DOLPP1: variants seen among roughly 807,000 people sequenced by gnomAD.
DOLPP1 encodes the protein dolichyl pyrophosphate phosphatase 1.
Under a neutral mutation model 34.1 loss-of-function variants are expected in DOLPP1, and 15 were observed. The ratio of observed to expected loss-of-function variants is 0.44; its 90% CI spans 0.29 to 0.68. DOLPP1 has a LOEUF of 0.68. Ranked by LOEUF, DOLPP1 falls within the 30% of genes least tolerant of loss-of-function variation. The probability of loss-of-function intolerance (pLI) is 0.12; values close to 1 mark genes in which losing one functional copy is unlikely to be tolerated. For synonymous variants in DOLPP1, 130 were observed against 128.2 expected (o/e 1.01, Z -0.10); for missense variants, 249 against 307.1 (o/e 0.81, Z 1.41).
Position 129,089,026 on chromosome 9 carries a change from T to A in DOLPP1, c.*19T>A. The A allele has an allele frequency of 1.9e-6, 3 of 1,613,362 alleles. No homozygotes were observed. The highest frequency in any genetic ancestry group is 2.5e-6 in the Non-Finnish European group (3 of 1,179,710). On this transcript the variant is annotated 3_prime_UTR_variant, in exon 8 of 8. Coordinates refer to ENST00000372546, the MANE Select transcript of DOLPP1 (RefSeq NM_020438.5). This position sits in a 1 kb window ranked among gnomAD's most constrained non-coding sequence, Gnocchi z 4.9. ...GCAGTGACCAGTGGGTGTGGCTGGG[T>A]CCAGCCTCCAGATCTGGCCCGCACG...
chr9:129,081,357 G>C lies in DOLPP1; in HGVS notation c.76+150G>C, dbSNP rs939966905. 2.0e-5 allele frequency: 20 copies of C among 1,018,634 alleles called. No homozygotes were observed. In the East Asian group the frequency reaches 4.6e-4, roughly 24 times the overall value. 63.1% of individuals were successfully genotyped at this position (1,018,634 alleles called of 1,614,324 possible). On this transcript the variant is annotated intron_variant, in intron 1 of 7. Coordinates refer to ENST00000372546, the MANE Select transcript of DOLPP1 (RefSeq NM_020438.5). ...AACCACGGAGGGGCTCGGCCGGCGC[G>C]CGCGCCGCGCAGGCGCAGTGGTGCG...
At chr9:129,086,113 A>T (rs766954810) in intron 5 of DOLPP1, 26 bp from the exon 6 acceptor site, 1 of 1,610,686 alleles carries the variant, frequency 6.2e-7, no homozygotes, top group Non-Finnish European at 8.5e-7. Context: ...TGGCTCTCAC[A>T]TACTTCGCTT....
chr9:129,084,135 C>T (rs547068335), intron 1 of DOLPP1, among the ~76,000 whole-genome samples: 1 of 152,324 alleles, frequency 6.6e-6, no homozygotes, highest in African/African-American at 2.4e-5. Flanking sequence ...GTGTGGTGTC[C>T]AGAGAACGTC....
chr9:129,084,756 G>A lies in DOLPP1; in HGVS notation c.165G>A (p.Arg55=). The change falls in exon 2 of 8, where the codon CGG becomes CGA. Residue 55 remains arginine (R), a synonymous_variant. Coordinates refer to ENST00000372546, the MANE Select transcript of DOLPP1 (RefSeq NM_020438.5). ...TCGTGACCCTCATCATATTTAAGCGGGAGCTGCACACGGTGAGTCTGTCTT... is the reference window on the plus strand; with the variant it reads ...TCGTGACCCTCATCATATTTAAGCGAGAGCTGCACACGGTGAGTCTGTCTT... ...VGFVTLIIFK[R]ELHTISFLGG... is the part of the protein sequence containing the mutation. 6.2e-7 allele frequency: 1 copy of A among 1,611,630 alleles called. No homozygotes were observed.
Position 129,085,564 on chromosome 9 carries a change from C to T in DOLPP1, c.409C>T (p.His137Tyr). The T allele has an allele frequency of 6.2e-7, 1 of 1,613,662 alleles. No individual in the cohort carries two copies. The highest frequency in any genetic ancestry group is 8.5e-7 in the Non-Finnish European group (1 of 1,179,930). The change falls in exon 5 of 8, where the codon CAC becomes TAC. Residue 137 changes from histidine to tyrosine, a missense_variant. Transcript: ENST00000372546. This position sits in a 1 kb window ranked among gnomAD's most constrained non-coding sequence, Gnocchi z 7.0. ...NARFLDLLWR[H>Y]VLSLGLLAVA... ...CAGGTTCCTGGACTTGCTGTGGAGGCACGTGCTCTCCCTGGGACTCCTCGC... is the reference window on the plus strand; with the variant it reads ...CAGGTTCCTGGACTTGCTGTGGAGGTACGTGCTCTCCCTGGGACTCCTCGC...
intron 6 of DOLPP1, 43 bp downstream of exon 6, chr9:129,086,310 C>T (rs760328748): frequency 6.8e-6 from 11 of 1,608,434 alleles, no homozygotes; most frequent in Middle Eastern, 3.3e-4. Context: ...GCCCTGTCCC[C>T]TCCTGTGGGT....
Position 129,089,286 on chromosome 9 carries a change from A to T in DOLPP1, c.*279A>T, listed in dbSNP as rs1847052165. 2.6e-6 allele frequency: 1 copy of T among 383,484 alleles called. No individual in the cohort carries two copies. Among genetic ancestry groups the T allele is most frequent in the African/African-American group, 2.0e-5 (1 of 49,184 alleles). 23.8% of individuals were successfully genotyped at this position (383,484 alleles called of 1,614,324 possible). On this transcript the variant is annotated 3_prime_UTR_variant, in exon 8 of 8. Transcript: ENST00000372546. This position sits in a 1 kb window ranked among gnomAD's most constrained non-coding sequence, Gnocchi z 4.9. The stretch of plus-strand genomic sequence containing the variant: ...TGGCTGGGCAGAAAGTGCCCTCGGC[A>T]TGGGCACCTGGGTGTGGGGTGGAGG...
Position 129,085,288 on chromosome 9 carries a change from T to A in DOLPP1, c.344T>A (p.Phe115Tyr). 6.2e-7 allele frequency: 1 copy of A among 1,614,010 alleles called. No homozygotes were observed. The highest frequency in any genetic ancestry group is 8.5e-7 in the Non-Finnish European group (1 of 1,179,956). Residue 115 changes from phenylalanine to tyrosine, a missense_variant, in exon 4 of 8, where the codon TTC becomes TAC. Phe to Tyr is a conservative substitution (Grantham distance 22). Coordinates refer to ENST00000372546, the MANE Select transcript of DOLPP1 (RefSeq NM_020438.5). This position sits in a 1 kb window ranked among gnomAD's most constrained non-coding sequence, Gnocchi z 7.0. Reference protein sequence around the residue: ...QFMWFFSVYSFLFLYLRMHQT... With the variant: ...QFMWFFSVYSYLFLYLRMHQT... ...ATGTGGTTCTTCTCCGTCTATTCCT[T>A]CCTTTTCCTGTATTTAAGGTGAGTT...
At chr9:129,088,505 C>T (rs1300198984) in intron 7 of DOLPP1, among the ~76,000 whole-genome samples, 2 of 152,158 alleles carry the variant, frequency 1.3e-5, no homozygotes, top group Admixed American at 6.5e-5. Flanking sequence ...AAATTGGGTG[C>T]TCAAATCCCC....
In DOLPP1 at chr9:129,085,238, G is replaced by A. The variant is rs1846966737; in HGVS notation, c.294G>A (p.Gly98=). 3.1e-6 allele frequency: 5 copies of A among 1,614,100 alleles called. No homozygotes were observed. Among genetic ancestry groups the A allele is most frequent in the Non-Finnish European group, 4.2e-6 (5 of 1,180,026 alleles). The change falls in exon 4 of 8, where the codon GGG becomes GGA. Residue 98 remains glycine, a synonymous_variant. Transcript: ENST00000372546. The surrounding 1 kb of genome is among the most constrained non-coding windows in gnomAD (Gnocchi z 7.0). ...ACACAGCAGTGGGCACCAAGTACGG[G>A]ATGCCCTCCAGCCATTCCCAGTTTA... is the stretch of plus-strand genomic sequence containing the variant. ...GPHTAVGTKY[G]MPSSHSQFMW...
intron 1 of DOLPP1, 101 bp downstream of exon 1, chr9:129,081,308 C>G: frequency 1.4e-6 from 2 of 1,458,128 alleles, no homozygotes; most frequent in Non-Finnish European, 1.9e-6. Flanking sequence ...GCCGGGGGAC[C>G]GGGGTGGGAA....
intron 1 of DOLPP1, among the ~76,000 whole-genome samples, chr9:129,083,718 T>C (rs181782196): frequency 6.6e-6 from 1 of 152,270 alleles, no homozygotes; most frequent in African/African-American, 2.4e-5. Context: ...ACAGGTCCCA[T>C]CTCATTGAGT....
chr9:129,081,167 A>T lies in DOLPP1; in HGVS notation c.36A>T (p.Ser12=), dbSNP rs981530276. Residue 12 remains serine (S), a synonymous_variant, in exon 1 of 8, where the codon TCA becomes TCT. Coordinates refer to ENST00000372546, the MANE Select transcript of DOLPP1 (RefSeq NM_020438.5). ...ACGGACAGTGCTCGCTCCCCGCTTC[A>T]TGGCGGCCGGTGACCCTCACCCACG... ...AADGQCSLPA[S]WRPVTLTHVE... 26 of 1,609,862 alleles carry T rather than the reference A, an allele frequency of 1.6e-5. No individual in the cohort carries two copies. Among genetic ancestry groups the T allele is most frequent in the Non-Finnish European group, 2.0e-5 (23 of 1,179,456 alleles).
chr9:129,090,371 G>C lies in DOLPP1; in HGVS notation c.*1364G>C, dbSNP rs997450098. On this transcript the variant is annotated 3_prime_UTR_variant, in exon 8 of 8. Coordinates refer to ENST00000372546, the MANE Select transcript of DOLPP1 (RefSeq NM_020438.5). ...GCCTGAGACAAGCCGAGTATGAGGTGGTTTGATTTAAGAAAAATCAATGAA... is the reference window on the plus strand; with the variant it reads ...GCCTGAGACAAGCCGAGTATGAGGTCGTTTGATTTAAGAAAAATCAATGAA... 1.3e-5 allele frequency: 2 copies of C among 152,538 alleles called. No individual in the cohort carries two copies. The highest frequency in any genetic ancestry group is 4.8e-5 in the African/African-American group (2 of 41,408). The allele number at this position is 152,538 out of a possible 1,614,324, so 9.4% of individuals were successfully genotyped here. A position where few individuals can be genotyped will look rare whatever the true frequency, so the allele number is the denominator to read the frequency against.
Position 129,085,361 on chromosome 9 carries a change from T to C in DOLPP1, c.362+55T>C, listed in dbSNP as rs1285486830. 2 of 1,566,100 alleles carry C rather than the reference T, an allele frequency of 1.3e-6. No individual in the cohort carries two copies. The highest frequency in any genetic ancestry group is 1.7e-5 in the Admixed American group (1 of 59,906). On this transcript the variant is annotated intron_variant, in intron 4 of 7. Coordinates refer to ENST00000372546, the MANE Select transcript of DOLPP1 (RefSeq NM_020438.5). The surrounding 1 kb of genome is among the most constrained non-coding windows in gnomAD (Gnocchi z 7.0). ...TGAACTTGCTCAGGCCGAGTTCTGC[T>C]AGGGACTCACTGCTAGCCCTTTGGA...
chr9:129,085,710 C>T lies in DOLPP1; in HGVS notation c.461+94C>T, dbSNP rs1846976777. ...CGGACCCCACCATGGACCCTAGTCC[C>T]AGAACCTGTAGTGCAGGACTGGAAA... is the stretch of plus-strand genomic sequence containing the variant. On this transcript the variant is annotated intron_variant, in intron 5 of 7. Transcript: ENST00000372546. The surrounding 1 kb of genome is among the most constrained non-coding windows in gnomAD (Gnocchi z 7.0). 12 of 1,004,864 alleles carry T rather than the reference C, an allele frequency of 1.2e-5. No individual in the cohort carries two copies. Among genetic ancestry groups the T allele is most frequent in the South Asian group, 1.1e-4 (7 of 63,520 alleles). The allele number at this position is 1,004,864 out of a possible 1,614,324, so 62.2% of individuals were successfully genotyped here.
At chr9:129,087,611 C>T (rs1043223625) in intron 7 of DOLPP1, among the ~76,000 whole-genome samples, 7 of 149,816 alleles carry the variant, frequency 4.7e-5, no homozygotes, top group Admixed American at 6.6e-5. Context: ...CCACCTCGCC[C>T]GGCCGAAGGC....
intron 6 of DOLPP1, 92 bp downstream of exon 6, chr9:129,086,359 G>C (rs997323903): frequency 1.3e-6 from 2 of 1,481,852 alleles, no homozygotes; most frequent in Non-Finnish European, 1.8e-6. Flanking sequence ...CTTGACCCCA[G>C]CCCCTGTCTC....
In DOLPP1 at chr9:129,085,219, C is replaced by T. The variant is rs1846966327; in HGVS notation, c.275C>T (p.Ala92Val). 6.2e-7 allele frequency: 1 copy of T among 1,613,992 alleles called. No homozygotes were observed. The highest frequency in any genetic ancestry group is 1.1e-5 in the South Asian group (1 of 91,086). Residue 92 changes from alanine (A) to valine (V), a missense_variant, in exon 4 of 8, where the codon GCA (alanine) becomes GTA (valine). Transcript: ENST00000372546. The surrounding 1 kb of genome is among the most constrained non-coding windows in gnomAD (Gnocchi z 7.0). Reference sequence around the variant, plus strand: ...CTCTCTCTCCCAGGCCCCCACACAGCAGTGGGCACCAAGTACGGGATGCCC... The same window carrying T: ...CTCTCTCTCCCAGGCCCCCACACAGTAGTGGGCACCAAGTACGGGATGCCC... ...EPRPCGGPHT[A>V]VGTKYGMPSS...
Sources: gnomAD v4.1 joint callset for allele counts (sites outside exome capture counted in the v4.1 genomes callset) on GRCh38, gnomAD v4.1.1 for gene constraint, Gnocchi (gnomAD v3.1) non-coding constraint, MANE v1.5 for transcripts, NCBI Gene and HGNC (gene_info 2026-07-23, HGNC 2026-07-21) for gene names.